Variants in PARD3B observed in about 807,000 individuals in gnomAD.
The protein encoded by PARD3B is partitioning defective 3 homolog B.
In PARD3B, 103 loss-of-function variants were observed where a neutral mutation model predicts 130.2. That is an observed-to-expected ratio of 0.79 (90% CI 0.67 to 0.93). The LOEUF is 0.93. Ranked by LOEUF, PARD3B falls within the 40% of genes least tolerant of loss-of-function variation. PARD3B has a pLI of 0.00. For synonymous variants in PARD3B, 583 were observed against 553.2 expected, an observed-to-expected ratio of 1.05 and a Z score of -0.76; for missense variants, 1,609 against 1,499.2, an observed-to-expected ratio of 1.07 and a Z score of -1.21.
chr2:204,759,184 T>A (rs548342139), intron 2 of PARD3B, among the ~76,000 whole-genome samples: 1 of 152,286 alleles, frequency 6.6e-6, no homozygotes, highest in South Asian at 2.1e-4. Context: ...CCTTTTTGGT[T>A]CCTCTGAACA....
At chr2:204,877,335 A>G (rs1230266160) in intron 2 of PARD3B, among the ~76,000 whole-genome samples, 2 of 152,174 alleles carry the variant, frequency 1.3e-5, no homozygotes, top group African/African-American at 2.4e-5. Flanking sequence ...AACATGGCAC[A>G]TGTATACATA....
chr2:205,567,349 C>T lies in PARD3B; in HGVS notation c.3260+13946C>T, dbSNP rs1356982803. On this transcript the variant is annotated intron_variant, in intron 22 of 22. Coordinates refer to ENST00000406610, the MANE Select transcript of PARD3B (RefSeq NM_001302769.2). ...TTTTTTTTTGAGATGGAGTCTTGCT[C>T]TGTCGCCCAGGATGGAGTGCAGTGG... Among the ~76,000 whole-genome samples the T allele has an allele frequency of 2.6e-5, 3 of 114,196 alleles. No homozygotes were observed. The East Asian group carries it at 8.3e-4, about 32-fold the overall frequency. 74.9% of individuals were successfully genotyped at this position (114,196 alleles called of 152,430 possible).
At chr2:205,541,163 A>G (rs2052109233) in intron 21 of PARD3B, among the ~76,000 whole-genome samples, 1 of 152,154 alleles carries the variant, frequency 6.6e-6, no homozygotes, top group Non-Finnish European at 1.5e-5. Context: ...AAAGAAATTT[A>G]GGACAGGAAT....
In PARD3B at chr2:205,124,507, G is replaced by A. The variant is rs954836037; in HGVS notation, c.1305+41G>A. On this transcript the variant is annotated intron_variant, in intron 9 of 22. Coordinates refer to ENST00000406610, the MANE Select transcript of PARD3B (RefSeq NM_001302769.2). ...AATAGTTGTATGAAAATATTTCTTG[G>A]CATTTAAATAATGCCATTTAATTGC... is the stretch of plus-strand genomic sequence containing the variant. The A allele has an allele frequency of 4.1e-6, 6 of 1,468,558 alleles. No homozygotes were observed. The South Asian group carries it at 9.5e-5, about 23-fold the overall frequency. The allele number at this position is 1,468,558 out of a possible 1,614,324, so 91.0% of individuals were successfully genotyped here. A position where few individuals can be genotyped will look rare whatever the true frequency, so the allele number is the denominator to read the frequency against.
At chr2:204,877,787 T>A (rs189449056) in intron 2 of PARD3B, among the ~76,000 whole-genome samples, 122 of 152,316 alleles carry the variant, frequency 8.0e-4, no homozygotes, top group Non-Finnish European at 9.0e-4. Context: ...AACTGTGTGT[T>A]TCTACTTCAG....
intron 21 of PARD3B, among the ~76,000 whole-genome samples, chr2:205,547,031 T>G (rs954390172): frequency 2.0e-5 from 3 of 152,208 alleles, no homozygotes; most frequent in Non-Finnish European, 4.4e-5. Context: ...TGATTAAATC[T>G]GTTTTTTTGG....
At chr2:205,232,276 C>T (rs1211466641) in intron 15 of PARD3B, among the ~76,000 whole-genome samples, 1 of 152,006 alleles carries the variant, frequency 6.6e-6, no homozygotes, top group African/African-American at 2.4e-5. Context: ...ATAGTGAAAC[C>T]CCTACGCACA....
rs906933924 is a variant in PARD3B, at chr2:205,346,005, T to C, written c.2630+44304T>C. Among the ~76,000 whole-genome samples the C allele has an allele frequency of 3.5e-5, 4 of 113,008 alleles. 1 individual carries two copies. Among genetic ancestry groups the C allele is most frequent in the African/African-American group, 1.0e-4 (4 of 38,170 alleles). The allele number at this position is 113,008 out of a possible 152,430, so 74.1% of individuals were successfully genotyped here. On this transcript the variant is annotated intron_variant, in intron 18 of 22. Transcript: ENST00000406610. ...GGCCAACATAGTGAAACCCTGTCTC[T>C]ACTAAAATACAAAAAATTAGCCGGG...
chr2:204,698,422 T>C (rs1411369200), intron 2 of PARD3B, among the ~76,000 whole-genome samples: 1 of 152,132 alleles, frequency 6.6e-6, no homozygotes. Flanking sequence ...GGGGTAAAAA[T>C]GCATATTCCA....
intron 21 of PARD3B, among the ~76,000 whole-genome samples, chr2:205,547,345 T>C: frequency 6.6e-6 from 1 of 152,164 alleles, no homozygotes; most frequent in East Asian, 1.9e-4. Context: ...ACCATCTCAT[T>C]GCCGATTCCA....
intron 3 of PARD3B, among the ~76,000 whole-genome samples, chr2:205,037,558 A>G (rs1698084094): frequency 6.7e-6 from 1 of 148,254 alleles, no homozygotes; most frequent in Non-Finnish European, 1.5e-5. Context: ...TAAAATATAT[A>G]CAGTGGACTA....
chr2:205,501,437 C>T (rs185766659), intron 21 of PARD3B, among the ~76,000 whole-genome samples: 8 of 152,198 alleles, frequency 5.3e-5, no homozygotes, highest in African/African-American at 1.2e-4. Context: ...AAGATTTCCA[C>T]AGAATAACAG....
chr2:205,033,872 A>T (rs1044258324), intron 3 of PARD3B, among the ~76,000 whole-genome samples: 1 of 152,176 alleles, frequency 6.6e-6, no homozygotes, highest in South Asian at 2.1e-4. Flanking sequence ...AGATTCCTCT[A>T]TAAGCCACAG....
intron 1 of PARD3B, among the ~76,000 whole-genome samples, chr2:204,586,707 A>G (rs2125088563): frequency 6.6e-6 from 1 of 152,358 alleles, no homozygotes; most frequent in Non-Finnish European, 1.5e-5. Context: ...ATGGTTTGGC[A>G]GAGACACAGC....
At chr2:205,067,711 C>T (rs972155724) in intron 4 of PARD3B, among the ~76,000 whole-genome samples, 7 of 151,920 alleles carry the variant, frequency 4.6e-5, no homozygotes, top group Non-Finnish European at 1.0e-4. Flanking sequence ...TATTTCAGTG[C>T]CATTTAAAAT....
At chr2:204,917,397 T>C (rs1395488508) in intron 2 of PARD3B, among the ~76,000 whole-genome samples, 1 of 152,156 alleles carries the variant, frequency 6.6e-6, no homozygotes, top group Non-Finnish European at 1.5e-5. Flanking sequence ...CTATTTTGGG[T>C]ATTCAGGATG....
At chr2:204,851,337 C>T (rs900658546) in intron 2 of PARD3B, among the ~76,000 whole-genome samples, 11 of 152,156 alleles carry the variant, frequency 7.2e-5, no homozygotes, top group African/African-American at 2.7e-4. Flanking sequence ...ATCTCCTCCT[C>T]CCCACCATCA....
At chr2:204,838,441 C>A (rs1246613863) in intron 2 of PARD3B, among the ~76,000 whole-genome samples, 1 of 151,670 alleles carries the variant, frequency 6.6e-6, no homozygotes, top group East Asian at 1.9e-4. Context: ...TCTCAAACTC[C>A]TGACCTCAGT....
rs1328060631 is a variant in PARD3B at position 204,675,457 on chromosome 2, TTAAC to T, written c.121-10722_121-10719del. Among the ~76,000 whole-genome samples, 1 of 152,132 alleles carries T rather than the reference TTAAC, an allele frequency of 6.6e-6. No homozygotes were observed. Among genetic ancestry groups the T allele is most frequent in the Non-Finnish European group, 1.5e-5 (1 of 68,000 alleles). ...CTTTCATGCATTTAAGAGTGAGCCT[TTAAC>T]TCACTCCTAGAGCTGTAGGAAAATG... On this transcript the variant is annotated intron_variant, in intron 1 of 22. Transcript: ENST00000406610. This position sits in a 1 kb window ranked among gnomAD's most constrained non-coding sequence, Gnocchi z 4.4.
Sources: allele counts gnomAD v4.1 joint callset (sites outside exome capture counted in the v4.1 genomes callset), GRCh38; gene constraint gnomAD v4.1.1; non-coding constraint Gnocchi (gnomAD v3.1); transcripts MANE v1.5; gene names NCBI Gene and HGNC (gene_info 2026-07-23, HGNC 2026-07-21).